Variants in KIF2C observed in about 807,000 individuals in gnomAD.
The protein encoded by KIF2C is kinesin family member 2C.
A neutral mutation model predicts 97.4 loss-of-function variants in KIF2C; 34 were observed. The observed-to-expected ratio is 0.35, with a 90% CI of 0.27 to 0.46. The LOEUF (loss-of-function observed/expected upper bound fraction) is 0.46. Among genes scored for constraint, KIF2C ranks in the 20% least tolerant of loss-of-function variants. The pLI, the probability that KIF2C is intolerant of heterozygous loss-of-function variation, is 1.00. For missense variants in KIF2C, 750 were observed against 907.6 expected, an observed-to-expected ratio of 0.83 and a Z score of 2.23; for synonymous variants, 313 against 318.2, an observed-to-expected ratio of 0.98 and a Z score of 0.17.
chr1:44,761,041 C>G, intron 16 of KIF2C: 1 of 262,200 alleles, frequency 3.8e-6, no homozygotes. Flanking sequence ...TTTTCCATGG[C>G]CTCCCTCAGG....
In KIF2C at chr1:44,739,898, G is replaced by T; in HGVS notation, c.-35G>T. The T allele has an allele frequency of 6.3e-7, 1 of 1,582,140 alleles. No homozygotes were observed. The highest frequency in any genetic ancestry group is 8.7e-7 in the Non-Finnish European group (1 of 1,150,890). ...GGGTTAGCGAAATTGAGGTTTCTTG[G>T]TATTGCGCGTTTCTCTTCCTTGCTG... On this transcript the variant is annotated 5_prime_UTR_variant, in exon 1 of 21. Coordinates refer to ENST00000372224, the MANE Select transcript of KIF2C (RefSeq NM_006845.4).
intron 2 of KIF2C, chr1:44,746,318 TC>T (rs1247625410): frequency 2.0e-6 from 2 of 985,446 alleles, no homozygotes; most frequent in Non-Finnish European, 2.4e-6. Context: ...TTTGAGTTGT[TC>T]CTGGAGAATT....
chr1:44,764,214 C>T lies in KIF2C; in HGVS notation c.1971+1556C>T, dbSNP rs544178134. Among the ~76,000 whole-genome samples the T allele has an allele frequency of 7.2e-5, 11 of 152,306 alleles. No homozygotes were observed. In the South Asian group the frequency reaches 2.3e-3, roughly 32 times the overall value. ...GTTTTTGAGACAGAGTCTCACTCGT[C>T]ACCCAGGCTGGAGTTTAGTGGTGCA... On this transcript the variant is annotated intron_variant, in intron 19 of 20. Coordinates refer to ENST00000372224, the MANE Select transcript of KIF2C (RefSeq NM_006845.4).
At chr1:44,745,542 T>C (rs1649147343) in intron 2 of KIF2C, among the ~76,000 whole-genome samples, 1 of 144,732 alleles carries the variant, frequency 6.9e-6, no homozygotes, top group Admixed American at 7.1e-5. Flanking sequence ...GGCGCTATCT[T>C]GGCTTACTGC....
In KIF2C at chr1:44,748,845, C is replaced by T. The variant is rs574959021; in HGVS notation, c.316+1145C>T. Among the ~76,000 whole-genome samples the T allele has an allele frequency of 6.6e-5, 10 of 151,996 alleles. No homozygotes were observed. In the South Asian group the frequency reaches 2.1e-3, roughly 32 times the overall value. On this transcript the variant is annotated intron_variant, in intron 4 of 20. Coordinates refer to ENST00000372224, the MANE Select transcript of KIF2C (RefSeq NM_006845.4). ...TGCAGGCGCGAGCCACCATGCCCAG[C>T]CAATAGCTTTTTTTCTTTAGGATGG... is the stretch of plus-strand genomic sequence containing the variant.
chr1:44,759,500 A>G, intron 14 of KIF2C, 152 bp downstream of exon 14: 2 of 890,848 alleles, frequency 2.2e-6, no homozygotes, highest in South Asian at 3.2e-5. Flanking sequence ...TCTCAATAAG[A>G]CATATGACCC....
rs758382839 is a variant in KIF2C at position 44,739,927 on chromosome 1, C to T, written c.-6C>T. The T allele has an allele frequency of 1.2e-6, 2 of 1,613,956 alleles. No individual in the cohort carries two copies. Among genetic ancestry groups the T allele is most frequent in the African/African-American group, 1.3e-5 (1 of 75,062 alleles). ...TGCGCGTTTCTCTTCCTTGCTGACT[C>T]TCCGAATGGCCATGGACTCGTCGCT... is the stretch of plus-strand genomic sequence containing the variant. On this transcript the variant is annotated 5_prime_UTR_variant, in exon 1 of 21. Transcript: ENST00000372224.
At chr1:44,752,614 G>A (rs995906895) in intron 5 of KIF2C, among the ~76,000 whole-genome samples, 3 of 152,112 alleles carry the variant, frequency 2.0e-5, no homozygotes, top group Non-Finnish European at 2.9e-5. Flanking sequence ...GCTCTAATAC[G>A]ATGAAGGTAA....
At position 44,760,956 on chromosome 1, in the gene KIF2C, C is replaced by A; in HGVS notation, c.1683+254C>A. 1 of 432,342 alleles carries A rather than the reference C, an allele frequency of 2.3e-6. No homozygotes were observed. The highest frequency in any genetic ancestry group is 4.2e-6 in the Non-Finnish European group (1 of 236,818). 26.8% of individuals were successfully genotyped at this position (432,342 alleles called of 1,614,324 possible). A position where few individuals can be genotyped will look rare whatever the true frequency, so the allele number is the denominator to read the frequency against. On this transcript the variant is annotated intron_variant, in intron 16 of 20. Transcript: ENST00000372224. This position sits in a 1 kb window ranked among gnomAD's most constrained non-coding sequence, Gnocchi z 4.2. Reference sequence around the variant, plus strand: ...CTTGGTTTGGGAGAGGTCATTCCTGCATTACCTGATGAAAAGGGGGTTCCA... The same window carrying A: ...CTTGGTTTGGGAGAGGTCATTCCTGAATTACCTGATGAAAAGGGGGTTCCA...
chr1:44,753,709 T>C (rs1447768395), intron 6 of KIF2C, 24 bp from the exon 7 acceptor site: 2 of 1,510,962 alleles, frequency 1.3e-6, no homozygotes, highest in Non-Finnish European at 1.8e-6. Flanking sequence ...CCTTTTTTTT[T>C]CTTTTTTTTT....
intron 19 of KIF2C, among the ~76,000 whole-genome samples, chr1:44,765,381 C>T (rs1650397271): frequency 1.3e-5 from 2 of 152,152 alleles, no homozygotes; most frequent in African/African-American, 4.8e-5. Context: ...ATGGGTGCAG[C>T]ACACCAACAT....
intron 14 of KIF2C, 32 bp downstream of exon 14, chr1:44,759,380 TTCTCATG>T (rs757493273): frequency 1.9e-5 from 31 of 1,612,152 alleles, no homozygotes; most frequent in Non-Finnish European, 2.2e-5. Flanking sequence ...AGGAGCGACC[TTCTCATG>T]TCTGGTTTAT....
At chr1:44,747,516 G>C in intron 3 of KIF2C, 31 bp downstream of exon 3, 1 of 1,578,334 alleles carries the variant, frequency 6.3e-7, no homozygotes, top group Non-Finnish European at 8.7e-7. Flanking sequence ...TGCAGCCAGT[G>C]CGCCAGAGAA....
intron 4 of KIF2C, among the ~76,000 whole-genome samples, chr1:44,749,075 T>C (rs2148824300): frequency 6.6e-6 from 1 of 152,234 alleles, no homozygotes; most frequent in African/African-American, 2.4e-5. Flanking sequence ...GGTGGGCAGA[T>C]CACCTGAGGT....
At chr1:44,747,616 G>C (rs773113142) in intron 3 of KIF2C, 36 bp from the exon 4 acceptor site, 1 of 1,609,356 alleles carries the variant, frequency 6.2e-7, no homozygotes, top group Non-Finnish European at 8.5e-7. Context: ...GAATTGATAA[G>C]AGCCATATAT....
At chr1:44,754,647 C>A (rs992670539) in intron 7 of KIF2C, 103 bp from the exon 8 acceptor site, 2 of 787,902 alleles carry the variant, frequency 2.5e-6, no homozygotes, top group Admixed American at 3.6e-5. Context: ...ACTTTGACAA[C>A]TATGAAGGGT....
intron 2 of KIF2C, among the ~76,000 whole-genome samples, chr1:44,742,341 C>T (rs1648976891): frequency 6.6e-6 from 1 of 151,942 alleles, no homozygotes; most frequent in Non-Finnish European, 1.5e-5. Flanking sequence ...GATCTCCTGA[C>T]CTCGTGATCC....
In KIF2C at chr1:44,743,378, T is replaced by G. The variant is rs186716125; in HGVS notation, c.165+2371T>G. On this transcript the variant is annotated intron_variant, in intron 2 of 20. Transcript: ENST00000372224. ...GATAATAATGTCTACCTCACAGGGT[T>G]GTTGTGAGGATTTACTCAGCACATT... Among the ~76,000 whole-genome samples the G allele has an allele frequency of 5.9e-5, 9 of 152,306 alleles. No homozygotes were observed. In the East Asian group the frequency reaches 9.6e-4, roughly 16 times the overall value.
chr1:44,758,313 G>A (rs1237578613), intron 13 of KIF2C, among the ~76,000 whole-genome samples, 173 bp downstream of exon 13: 1 of 152,122 alleles, frequency 6.6e-6, no homozygotes, highest in Non-Finnish European at 1.5e-5. Flanking sequence ...TGGTGAGATG[G>A]CACCTAAGTT....
Sources: allele counts gnomAD v4.1 joint callset (sites outside exome capture counted in the v4.1 genomes callset), GRCh38; gene constraint gnomAD v4.1.1; non-coding constraint Gnocchi (gnomAD v3.1); transcripts MANE v1.5; gene names NCBI Gene and HGNC (gene_info 2026-07-23, HGNC 2026-07-21).